HELQ: variants seen among roughly 807,000 people sequenced by gnomAD.
HELQ encodes helicase, POLQ like.
In HELQ, 77 loss-of-function variants were observed where a neutral mutation model predicts 111.6. The observed-to-expected ratio is 0.69, with a 90% CI of 0.57 to 0.83. The LOEUF is 0.83. Among genes scored for constraint, HELQ ranks in the 40% least tolerant of loss-of-function variants. HELQ has a pLI of 0.00. For synonymous variants in HELQ, 438 were observed against 454.7 expected, an observed-to-expected ratio of 0.96 and a Z score of 0.47; for missense variants, 1,200 against 1,288.5, an observed-to-expected ratio of 0.93 and a Z score of 1.05.
rs749709128 is a variant in HELQ at position 83,439,422 on chromosome 4, C to A, written c.1808+441G>T. On this transcript the variant is annotated intron_variant, in intron 8 of 17. Coordinates refer to ENST00000295488, the MANE Select transcript of HELQ (RefSeq NM_133636.5). ...TCACGCAGGCTGGAGTGCAGTAGTG[C>A]GATCTCAGCTAACTGCAACCTCCGC... is the stretch of plus-strand genomic sequence containing the variant. Among the ~76,000 whole-genome samples the A allele has an allele frequency of 1.5e-4, 21 of 144,798 alleles. 1 individual carries two copies. Among genetic ancestry groups the A allele is most frequent in the Admixed American group, 1.2e-3 (17 of 13,998 alleles). 95.0% of individuals were successfully genotyped at this position (144,798 alleles called of 152,430 possible).
intron 7 of HELQ, among the ~76,000 whole-genome samples, chr4:83,440,842 CAACTT>C (rs752456016): frequency 1.4e-4 from 21 of 152,278 alleles, no homozygotes; most frequent in South Asian, 8.3e-4. Context: ...GAGGTCCAAA[CAACTT>C]AATAAATACG....
Position 83,453,373 on chromosome 4 carries a change from G to C in HELQ, c.870C>G (p.Leu290=). ...QTPIFSRSKQ[L]KDTLLSEEIN... is the part of the protein sequence containing the mutation. ...TTTCCTCAGATAGGAGAGTGTCTTTGAGCTGTTTACTTCTAGAAAATATTG... is the reference window on the plus strand; with the variant it reads ...TTTCCTCAGATAGGAGAGTGTCTTTCAGCTGTTTACTTCTAGAAAATATTG... The change falls in exon 2 of 18, where the codon CTC becomes CTG. Residue 290 remains leucine (L), a synonymous_variant. Transcript: ENST00000295488. 1 of 1,609,716 alleles carries C rather than the reference G, an allele frequency of 6.2e-7. No individual in the cohort carries two copies. Among genetic ancestry groups the C allele is most frequent in the Non-Finnish European group, 8.5e-7 (1 of 1,179,042 alleles).
intron 9 of HELQ, among the ~76,000 whole-genome samples, 158 bp from the exon 10 acceptor site, chr4:83,432,425 T>C (rs1272617704): frequency 6.6e-6 from 1 of 152,170 alleles, no homozygotes; most frequent in Admixed American, 6.5e-5. Flanking sequence ...CTTAGGTTTT[T>C]ACACATATTA....
At chr4:83,446,470 C>A (rs1312225518) in intron 4 of HELQ, among the ~76,000 whole-genome samples, 2 of 152,246 alleles carry the variant, frequency 1.3e-5, no homozygotes, top group African/African-American at 4.8e-5. Flanking sequence ...CCACGCCCGG[C>A]TAATTTTTGT....
chr4:83,431,865 CAGA>C (rs1720170790), intron 10 of HELQ, 97 bp from the exon 11 acceptor site: 2 of 538,076 alleles, frequency 3.7e-6, no homozygotes, highest in Admixed American at 4.2e-5. Context: ...CTTGTGGAGC[CAGA>C]AGGAGACCAA....
chr4:83,453,306 G>C lies in HELQ; in HGVS notation c.937C>G (p.Leu313Val). The C allele has an allele frequency of 6.2e-7, 1 of 1,613,820 alleles. No homozygotes were observed. Among genetic ancestry groups the C allele is most frequent in the Non-Finnish European group, 8.5e-7 (1 of 1,179,832 alleles). ...KKTVESSSND[L>V]GPFYSLPSKV... ...CTGGGTAATGAATAAAAAGGACCAA[G>C]GTCATTTGATGATGACTCAACTGTT... is the stretch of plus-strand genomic sequence containing the variant. The change falls in exon 2 of 18, where the codon CTT becomes GTT. Residue 313 changes from leucine (L) to valine (V), a missense_variant. Around this residue, in one of 3 missense-constraint regions of HELQ, gnomAD observed 610 missense variants for 607.1 expected, o/e 1.00. Transcript: ENST00000295488.
rs779909482 is a variant in HELQ, at chr4:83,432,297, C to T, written c.2049-30G>A. 4.4e-5 allele frequency: 65 copies of T among 1,483,974 alleles called. 1 individual carries two copies. In the South Asian group the frequency reaches 5.9e-4, roughly 14 times the overall value. The allele number at this position is 1,483,974 out of a possible 1,614,324, so 91.9% of individuals were successfully genotyped here. On this transcript the variant is annotated intron_variant, in intron 9 of 17. Transcript: ENST00000295488. Reference sequence around the variant, plus strand: ...GGAATTAATGAAAAATGATACTCTACAGCAAACAGCACCAATTTAAAAAAT... The same window carrying T: ...GGAATTAATGAAAAATGATACTCTATAGCAAACAGCACCAATTTAAAAAAT...
At chr4:83,449,846 A>T (rs137876719) in intron 2 of HELQ, among the ~76,000 whole-genome samples, 118 of 149,568 alleles carry the variant, frequency 7.9e-4, no homozygotes, top group Non-Finnish European at 1.3e-3. Flanking sequence ...ATAAATTTTT[A>T]AAATAAAAAA....
At chr4:83,429,419 G>C in intron 12 of HELQ, 105 bp downstream of exon 12, 2 of 834,884 alleles carry the variant, frequency 2.4e-6, no homozygotes, top group Non-Finnish European at 3.8e-6. Flanking sequence ...AGAGTGTTGG[G>C]ATTACAGGCG....
chr4:83,418,058 C>T (rs778895768), intron 16 of HELQ, 35 bp downstream of exon 16: 2 of 1,173,900 alleles, frequency 1.7e-6, no homozygotes, highest in Admixed American at 4.1e-5. Context: ...ATTAATTCAA[C>T]ATAATTTCAA....
intron 12 of HELQ, 59 bp downstream of exon 12, chr4:83,429,465 T>A: frequency 7.9e-7 from 1 of 1,267,976 alleles, no homozygotes; most frequent in Non-Finnish European, 1.1e-6. Flanking sequence ...AAGTATAATT[T>A]AATTTTCATT....
rs1201158210 is a variant in HELQ, at chr4:83,455,739, G to C, written c.-46C>G. 1.9e-6 allele frequency: 3 copies of C among 1,560,234 alleles called. No homozygotes were observed. The highest frequency in any genetic ancestry group is 1.7e-6 in the Non-Finnish European group (2 of 1,149,888). On this transcript the variant is annotated 5_prime_UTR_variant, in exon 1 of 18. Coordinates refer to ENST00000295488, the MANE Select transcript of HELQ (RefSeq NM_133636.5). ...TTCAGACGTCGTTCTCAGTGACCCA[G>C]ACGCTAAGCCCATATGGAAGGGAGA...
chr4:83,408,832 C>T (rs929102935), intron 17 of HELQ, among the ~76,000 whole-genome samples: 19 of 151,508 alleles, frequency 1.3e-4, no homozygotes, highest in African/African-American at 4.4e-4. Flanking sequence ...ATAAGATCAC[C>T]TCCAGAGAGA....
intron 17 of HELQ, among the ~76,000 whole-genome samples, chr4:83,410,150 G>T (rs956189460): frequency 7.9e-5 from 12 of 152,258 alleles, no homozygotes; most frequent in African/African-American, 2.9e-4. Context: ...CACTCAGGAG[G>T]CTAAGGTGGG....
chr4:83,447,120 G>A (rs1721093528), intron 3 of HELQ, 85 bp from the exon 4 acceptor site: 2 of 809,058 alleles, frequency 2.5e-6, no homozygotes, highest in East Asian at 5.3e-5. Flanking sequence ...GGCTGAGGCG[G>A]GAAGATCACT....
rs774541007 is a variant in HELQ, at chr4:83,416,793, G to C, written c.3136C>G (p.Leu1046Val). ...GATAAATGATCAATTGTCCTTACGA[G>C]CACTTCAGGATTTGCATTAGCTAAG... ...MHLANANPEV[L>V]VRTIDHLSRR... is the part of the protein sequence containing the mutation. Residue 1046 changes from leucine (L) to valine (V), a missense_variant, in exon 17 of 18, where the codon CTC (leucine) becomes GTC (valine). Coordinates refer to ENST00000295488, the MANE Select transcript of HELQ (RefSeq NM_133636.5). 1 of 1,613,886 alleles carries C rather than the reference G, an allele frequency of 6.2e-7. No homozygotes were observed. The highest frequency in any genetic ancestry group is 8.5e-7 in the Non-Finnish European group (1 of 1,179,848).
intron 3 of HELQ, 125 bp downstream of exon 3, chr4:83,448,658 A>C: frequency 2.5e-6 from 2 of 786,724 alleles, no homozygotes; most frequent in Non-Finnish European, 3.9e-6. Flanking sequence ...TGACAGAGCA[A>C]GACTCCATCT....
At chr4:83,441,510 G>A (rs1218462459) in intron 6 of HELQ, 107 bp from the exon 7 acceptor site, 5 of 563,842 alleles carry the variant, frequency 8.9e-6, no homozygotes, top group African/African-American at 2.0e-5. Context: ...AAAGAGTTTA[G>A]CTTTTCTAAG....
At chr4:83,438,344 G>A (rs550352586) in intron 8 of HELQ, among the ~76,000 whole-genome samples, 181 of 152,238 alleles carry the variant, frequency 1.2e-3, no homozygotes, top group Middle Eastern at 3.4e-3. Context: ...CTATGAATAC[G>A]ACAGAGCCAA....
Sources: gnomAD v4.1 joint callset for allele counts (sites outside exome capture counted in the v4.1 genomes callset) on GRCh38, gnomAD v4.1.1 for gene constraint, gnomAD v4.1.1 regional missense constraint, MANE v1.5 for transcripts, NCBI Gene and HGNC (gene_info 2026-07-23, HGNC 2026-07-21) for gene names.